The following RASAL2 variants were observed in gnomAD, a reference collection of about 807,000 sequenced individuals.
RASAL2 encodes RAS protein activator like 2.
A neutral mutation model predicts 128.9 loss-of-function variants in RASAL2; 58 were observed. The observed-to-expected ratio is 0.45, with a 90% confidence interval of 0.36 to 0.56. The LOEUF is 0.56. Among genes scored for constraint, RASAL2 ranks in the 20% least tolerant of loss-of-function variants. RASAL2 has a pLI of 0.00. For missense variants in RASAL2, 1,360 were observed against 1,601.6 expected, an observed-to-expected ratio of 0.85 and a Z score of 2.57; for synonymous variants, 561 against 580.8, an observed-to-expected ratio of 0.97 and a Z score of 0.49.
chr1:178,448,225 A>G lies in RASAL2; in HGVS notation c.1627+2563A>G, dbSNP rs146582234. ...AAAAAAGAAAGAAAACCAGGAAAAT[A>G]CTGAGTCCTAGATACCAATAGAGAA... On this transcript the variant is annotated intron_variant, in intron 9 of 17. Coordinates refer to ENST00000367649, the MANE Select transcript of RASAL2 (RefSeq NM_170692.4). Among the ~76,000 whole-genome samples, 1,017 of 152,290 alleles carry G rather than the reference A, an allele frequency of 6.7e-3. 9 individuals carry two copies. The highest frequency in any genetic ancestry group is 0.011 in the Non-Finnish European group (743 of 68,006).
chr1:178,379,226 G>T (rs1672149595), intron 3 of RASAL2, among the ~76,000 whole-genome samples: 2 of 152,080 alleles, frequency 1.3e-5, no homozygotes, highest in African/African-American at 4.8e-5. Context: ...AACCATTAAA[G>T]AAACAGAGGC....
At chr1:178,437,469 G>T (rs1389621082) in intron 5 of RASAL2, among the ~76,000 whole-genome samples, 2 of 152,034 alleles carry the variant, frequency 1.3e-5, no homozygotes, top group Non-Finnish European at 2.9e-5. Context: ...GCTTCATGTA[G>T]GTAGACGTTT....
intron 1 of RASAL2, among the ~76,000 whole-genome samples, chr1:178,167,744 A>G (rs527582666): frequency 6.6e-6 from 1 of 151,796 alleles, no homozygotes; most frequent in Non-Finnish European, 1.5e-5. Flanking sequence ...TTTTTTTTTA[A>G]ATTTCTATGC....
rs747541441 is a variant in RASAL2 at position 178,473,230 on chromosome 1, C to T, written c.3834C>T (p.Ser1278=). ...CGGAGAATGGTGAATTCAAAAACAG[C>T]AGCTGCTGACGGGCTTTGTCTGTGG... ...SITENGEFKN[S]SC is the part of the protein sequence containing the mutation. Residue 1278 remains serine (S), a synonymous_variant, in exon 18 of 18, where the codon AGC becomes AGT. Coordinates refer to ENST00000367649, the MANE Select transcript of RASAL2 (RefSeq NM_170692.4). 1 of 1,614,214 alleles carries T rather than the reference C, an allele frequency of 6.2e-7. No individual in the cohort carries two copies. Among genetic ancestry groups the T allele is most frequent in the South Asian group, 1.1e-5 (1 of 91,080 alleles).
intron 1 of RASAL2, among the ~76,000 whole-genome samples, chr1:178,179,640 G>A (rs1179207543): frequency 6.6e-6 from 1 of 152,178 alleles, no homozygotes; most frequent in African/African-American, 2.4e-5. Flanking sequence ...GATAACACAA[G>A]TTTTATCAAA....
At chr1:178,439,966 T>C (rs527966320) in intron 6 of RASAL2, among the ~76,000 whole-genome samples, 27 of 104,878 alleles carry the variant, frequency 2.6e-4, no homozygotes, top group African/African-American at 1.8e-3. Context: ...TTTTCTTATT[T>C]ATCCATCCAT....
chr1:178,453,063 T>C (rs1216061206), intron 11 of RASAL2, among the ~76,000 whole-genome samples: 2 of 152,160 alleles, frequency 1.3e-5, no homozygotes, highest in East Asian at 3.8e-4. Context: ...ATTCTGCGGT[T>C]ACAATGTCTA....
Position 178,255,372 on chromosome 1 carries a change from A to G in RASAL2, c.203-28192A>G, listed in dbSNP as rs116411899. ...AGCAATTGCATAAAATAATATGTAT[A>G]TTATTATTGTTGGGCTCATAACATA... On this transcript the variant is annotated intron_variant, in intron 1 of 17. Transcript: ENST00000367649. 5.5e-3 allele frequency among the ~76,000 whole-genome samples: 832 copies of G among 152,258 alleles called. 4 individuals carry two copies. The highest frequency in any genetic ancestry group is 0.019 in the African/African-American group (794 of 41,568).
intron 4 of RASAL2, among the ~76,000 whole-genome samples, chr1:178,398,358 A>G (rs565622509): frequency 6.6e-6 from 1 of 152,304 alleles, no homozygotes; most frequent in South Asian, 2.1e-4. Flanking sequence ...TCATGTTTGC[A>G]TAGCATATGT....
intron 3 of RASAL2, among the ~76,000 whole-genome samples, chr1:178,318,385 C>G (rs1668588131): frequency 6.6e-6 from 1 of 151,566 alleles, no homozygotes; most frequent in South Asian, 2.1e-4. Flanking sequence ...CTAATGTTGA[C>G]AGTGGGGTGT....
At chr1:178,294,800 A>T (rs932723985) in intron 2 of RASAL2, among the ~76,000 whole-genome samples, 2 of 152,206 alleles carry the variant, frequency 1.3e-5, no homozygotes, top group Admixed American at 6.5e-5. Context: ...CACTGAGCTG[A>T]GGAGGCACAG....
At chr1:178,342,722 C>A (rs1000579306) in intron 3 of RASAL2, among the ~76,000 whole-genome samples, 4 of 152,094 alleles carry the variant, frequency 2.6e-5, no homozygotes, top group African/African-American at 9.7e-5. Flanking sequence ...ATCTGTTTTA[C>A]TGAAAGCAAA....
At chr1:178,443,271 C>T (rs1676797274) in intron 8 of RASAL2, 42 bp downstream of exon 8, 1 of 1,489,984 alleles carries the variant, frequency 6.7e-7, no homozygotes, top group South Asian at 1.3e-5. Flanking sequence ...AGTCTCTTCC[C>T]TACCTTTCAT....
intron 4 of RASAL2, among the ~76,000 whole-genome samples, chr1:178,403,454 T>C (rs1213214420): frequency 6.6e-6 from 1 of 152,104 alleles, no homozygotes; most frequent in Non-Finnish European, 1.5e-5. Flanking sequence ...ATAGGGAATA[T>C]AAAATAGGAA....
chr1:178,424,301 G>A (rs955226223), intron 5 of RASAL2, among the ~76,000 whole-genome samples: 2 of 151,156 alleles, frequency 1.3e-5, no homozygotes, highest in African/African-American at 4.9e-5. Flanking sequence ...GGAGTGTAGT[G>A]GCACAATCTC....
intron 3 of RASAL2, among the ~76,000 whole-genome samples, chr1:178,374,318 A>T (rs1671879498): frequency 1.3e-5 from 2 of 152,156 alleles, no homozygotes; most frequent in African/African-American, 4.8e-5. Context: ...GCCAAGAGAA[A>T]AACAAGAAAA....
intron 5 of RASAL2, among the ~76,000 whole-genome samples, chr1:178,424,907 A>C (rs958313768): frequency 1.3e-5 from 2 of 152,230 alleles, no homozygotes; most frequent in Non-Finnish European, 2.9e-5. Flanking sequence ...TGTTTCTAAA[A>C]TCCAAATGTA....
At chr1:178,098,397 A>G (rs1226905000) in intron 1 of RASAL2, among the ~76,000 whole-genome samples, 1 of 152,246 alleles carries the variant, frequency 6.6e-6, no homozygotes, top group Non-Finnish European at 1.5e-5. Context: ...TATAGCCTCA[A>G]AGCAAAGTCA....
chr1:178,464,496 A>C, intron 15 of RASAL2, 84 bp downstream of exon 15: 335 of 1,502,140 alleles, frequency 2.2e-4, no homozygotes, highest in Non-Finnish European at 2.8e-4. Flanking sequence ...ACATAAACTC[A>C]TCCCACCCCC....
Sources: gnomAD v4.1 joint callset for allele counts (sites outside exome capture counted in the v4.1 genomes callset) on GRCh38, gnomAD v4.1.1 for gene constraint, MANE v1.5 for transcripts, NCBI Gene and HGNC (gene_info 2026-07-23, HGNC 2026-07-21) for gene names.